The following GBA2 variants were observed in gnomAD, a reference collection of about 807,000 sequenced individuals.
The protein encoded by GBA2 is glucosylceramidase beta 2.
In GBA2, 79 loss-of-function variants were observed where a neutral mutation model predicts 112.9. That is an observed-to-expected ratio of 0.70 (90% confidence interval 0.58 to 0.84). The LOEUF is 0.84. GBA2 is among the 40% of genes least tolerant of loss of function. GBA2 has a pLI of 0.00. For synonymous variants in GBA2, 403 were observed against 434.3 expected, an observed-to-expected ratio of 0.93 and a Z score of 0.90; for missense variants, 1,043 against 1,190.0, an observed-to-expected ratio of 0.88 and a Z score of 1.82.
Position 35,737,803 on chromosome 9 carries a change from G to T in GBA2, c.2450C>A (p.Ser817Tyr), listed in dbSNP as rs1362779042. The change falls in exon 16 of 17, where the codon TCT (serine) becomes TAT (tyrosine). Residue 817 changes from serine to tyrosine, a missense_variant. Physicochemically the swap from Ser to Tyr is moderately radical, Grantham distance 144. Transcript: ENST00000378103. This position sits in a 1 kb window ranked among gnomAD's most constrained non-coding sequence, Gnocchi z 4.1. Reference sequence around the variant, plus strand: ...GACCACACCCACCCAGACTTCATCAGACTGCACACTGGATTTATCAGGGAC... The same window carrying T: ...GACCACACCCACCCAGACTTCATCATACTGCACACTGGATTTATCAGGGAC... ...HGVPDKSSVQ[S>Y]DEVWVGVVYG... is the part of the protein sequence containing the mutation. 1 of 1,614,098 alleles carries T rather than the reference G, an allele frequency of 6.2e-7. No homozygotes were observed. The highest frequency in any genetic ancestry group is 8.5e-7 in the Non-Finnish European group (1 of 1,179,996).
Position 35,741,588 on chromosome 9 carries a change from G to A in GBA2, c.786+84C>T, listed in dbSNP as rs1404004822. 14 of 917,898 alleles carry A rather than the reference G, an allele frequency of 1.5e-5. No individual in the cohort carries two copies. The highest frequency in any genetic ancestry group is 3.4e-5 in the Admixed American group (2 of 58,892). 56.9% of individuals were successfully genotyped at this position (917,898 alleles called of 1,614,324 possible). On this transcript the variant is annotated intron_variant, in intron 4 of 16. Transcript: ENST00000378103. This position sits in a 1 kb window ranked among gnomAD's most constrained non-coding sequence, Gnocchi z 4.6. ...GTTGGGATTACAGGCGTGAGCTACC[G>A]CGCCTCGCAGGCCATGCAGTTTCTA... is the stretch of plus-strand genomic sequence containing the variant.
At position 35,738,583 on chromosome 9, in the gene GBA2, A is replaced by G. The variant is rs1485423623; in HGVS notation, c.1997T>C (p.Ile666Thr). 2 of 1,614,010 alleles carry G rather than the reference A, an allele frequency of 1.2e-6. No individual in the cohort carries two copies. The highest frequency in any genetic ancestry group is 1.7e-5 in the Admixed American group (1 of 60,020). The change falls in exon 13 of 17, where the codon ATT becomes ACT. Residue 666 changes from isoleucine (I) to threonine (T), a missense_variant. By Grantham distance (89) the Ile-to-Thr change is moderately conservative. Transcript: ENST00000378103. ...MKFDKDHDGL[I>T]ENGGYADQTY... ...CTGGTCTGCATAGCCTCCATTTTCA[A>G]TGAGTCCATCATGGTCCTTGTCAAA...
In GBA2 at chr9:35,740,850, G is replaced by A. The variant is rs1423985966; in HGVS notation, c.1001C>T (p.Thr334Met). 1.9e-6 allele frequency: 3 copies of A among 1,614,134 alleles called. No individual in the cohort carries two copies. The highest frequency in any genetic ancestry group is 1.1e-5 in the South Asian group (1 of 91,086). The change falls in exon 5 of 17, where the codon ACG (threonine) becomes ATG (methionine). Residue 334 changes from threonine (T) to methionine (M), a missense_variant. Coordinates refer to ENST00000378103, the MANE Select transcript of GBA2 (RefSeq NM_020944.3). This position sits in a 1 kb window ranked among gnomAD's most constrained non-coding sequence, Gnocchi z 4.7. Reference protein sequence around the residue: ...LHHPTLPNPYTMAVAARVTAA... With the variant: ...LHHPTLPNPYMMAVAARVTAA... ...CGTGACTCGTGCAGCCACAGCCATC[G>A]TGTAGGGGTTTGGAAGGGTTGGATG...
Position 35,741,216 on chromosome 9 carries a change from CA to C in GBA2, c.787-153del. 1.2e-6 allele frequency: 1 copy of C among 808,968 alleles called. No homozygotes were observed. The highest frequency in any genetic ancestry group is 1.9e-6 in the Non-Finnish European group (1 of 520,984). The allele number at this position is 808,968 out of a possible 1,614,324, so 50.1% of individuals were successfully genotyped here. On this transcript the variant is annotated intron_variant, in intron 4 of 16. Transcript: ENST00000378103. The surrounding 1 kb of genome is among the most constrained non-coding windows in gnomAD (Gnocchi z 4.6). ...ACTTGCATCTCCCCATATTCCCAGG[CA>C]AGCTGCCTAGCAGGGAATATAGAAG...
chr9:35,738,031 T>TCTCACCTCAGTGTCTCCTTCTCC lies in GBA2; in HGVS notation c.2296_2313+5dup, dbSNP rs1436646827. ...TTCTCTCTGGCTGCTCCTCCTCCTC[T>TCTCACCTCAGTGTCTCCTTCTCC]CTCACCTCAGTGTCTCCTTCTCCTA... On this transcript the variant is annotated splice_donor_region_variant and intron_variant, in intron 15 of 16. Transcript: ENST00000378103. 5 of 1,601,176 alleles carry TCTCACCTCAGTGTCTCCTTCTCC rather than the reference T, an allele frequency of 3.1e-6. No individual in the cohort carries two copies. The highest frequency in any genetic ancestry group is 4.3e-6 in the Non-Finnish European group (5 of 1,171,442).
Position 35,739,052 on chromosome 9 carries a change from A to T in GBA2, c.1745T>A (p.Met582Lys). The T allele has an allele frequency of 1.2e-6, 2 of 1,613,758 alleles. No individual in the cohort carries two copies. The highest frequency in any genetic ancestry group is 1.1e-5 in the South Asian group (1 of 91,018). ...GACGTTCCTCCTTTTCACAGGTGCC[A>T]TCACCCCACTCATCAGGTACCGTCG... is the stretch of plus-strand genomic sequence containing the variant. ...TRRRYLMSGV[M>K]APVKRRNVIP... The change falls in exon 11 of 17, where the codon ATG (methionine) becomes AAG (lysine). Residue 582 changes from methionine (M) to lysine (K), a missense_variant. By Grantham distance (95) the Met-to-Lys change is moderately conservative. Coordinates refer to ENST00000378103, the MANE Select transcript of GBA2 (RefSeq NM_020944.3).
Position 35,740,984 on chromosome 9 carries a change from G to C in GBA2, c.867C>G (p.Phe289Leu), listed in dbSNP as rs147741018. The C allele has an allele frequency of 3.0e-5, 48 of 1,614,000 alleles. No individual in the cohort carries two copies. In the African/African-American group the frequency reaches 5.5e-4, roughly 18 times the overall value. ...GDEALDVSIM[F>L]SMRNGLGGGD... The stretch of plus-strand genomic sequence containing the variant: ...CACCACCCAGTCCATTCCGCATGGA[G>C]AACATGATGGACACATCTAGAGCTT... Residue 289 changes from phenylalanine to leucine, a missense_variant, in exon 5 of 17, where the codon TTC (phenylalanine) becomes TTG (leucine). Physicochemically the swap from Phe to Leu is conservative, Grantham distance 22 (BLOSUM62 0). Transcript: ENST00000378103. The surrounding 1 kb of genome is among the most constrained non-coding windows in gnomAD (Gnocchi z 4.7).
In GBA2 at chr9:35,738,179, G is replaced by T. The variant is rs374552034; in HGVS notation, c.2198-27C>A. 14 of 1,612,992 alleles carry T rather than the reference G, an allele frequency of 8.7e-6. No individual in the cohort carries two copies. The African/African-American group carries it at 1.7e-4, about 20-fold the overall frequency. ...TGGAGTCGAGGAAGAGAAAAATAAG[G>T]CTCCTGGTGTCCTCTCAGCTGCCTT... is the stretch of plus-strand genomic sequence containing the variant. On this transcript the variant is annotated intron_variant, in intron 14 of 16. Transcript: ENST00000378103.
rs753537861 is a variant in GBA2 at position 35,740,659 on chromosome 9, G to A, written c.1027-31C>T. 6.4e-7 allele frequency: 1 copy of A among 1,561,362 alleles called. No individual in the cohort carries two copies. The highest frequency in any genetic ancestry group is 1.4e-5 in the African/African-American group (1 of 73,810). The stretch of plus-strand genomic sequence containing the variant: ...AAGGGGTCAGGGACTGTGAGGGCAG[G>A]CTCCACGAGTACACTGGGTCCCGGC... On this transcript the variant is annotated intron_variant, in intron 5 of 16. Transcript: ENST00000378103. This position sits in a 1 kb window ranked among gnomAD's most constrained non-coding sequence, Gnocchi z 4.7.
chr9:35,737,408 A>C lies in GBA2; in HGVS notation c.2545T>G (p.Tyr849Asp). 1 of 1,614,144 alleles carries C rather than the reference A, an allele frequency of 6.2e-7. No homozygotes were observed. Residue 849 changes from tyrosine (Y) to aspartate (D), a missense_variant, in exon 17 of 17, where the codon TAC (tyrosine) becomes GAC (aspartate). Tyr to Asp is a radical substitution (Grantham distance 160). Coordinates refer to ENST00000378103, the MANE Select transcript of GBA2 (RefSeq NM_020944.3). This position sits in a 1 kb window ranked among gnomAD's most constrained non-coding sequence, Gnocchi z 4.1. Reference protein sequence around the residue: ...WEGFQTAEGCYRTVWERLGLA... With the variant: ...WEGFQTAEGCDRTVWERLGLA... ...CCCAGGCGCTCCCACACGGTACGGT[A>C]GCAGCCTTCAGCTGTCTGGAAGCCC...
chr9:35,738,268 G>A lies in GBA2; in HGVS notation c.2161C>T (p.Arg721Trp), dbSNP rs750088946. 151 of 1,613,980 alleles carry A rather than the reference G, an allele frequency of 9.4e-5. No individual in the cohort carries two copies. The highest frequency in any genetic ancestry group is 1.2e-4 in the Non-Finnish European group (141 of 1,180,010). ...IQDKFSSILS[R>W]GQEAYERLLW... The stretch of plus-strand genomic sequence containing the variant: ...AGTCTCTCATAGGCTTCTTGGCCCC[G>A]GCTGAGGATAGAAGAAAACTTATCC... Residue 721 changes from arginine (R) to tryptophan (W), a missense_variant, in exon 14 of 17, where the codon CGG becomes TGG. By Grantham distance (101) the Arg-to-Trp change is moderately radical. Transcript: ENST00000378103.
chr9:35,740,864 A>T lies in GBA2; in HGVS notation c.987T>A (p.Leu329=). The T allele has an allele frequency of 3.7e-6, 6 of 1,613,616 alleles. No homozygotes were observed. Among genetic ancestry groups the T allele is most frequent in the Non-Finnish European group, 5.1e-6 (6 of 1,179,866 alleles). Residue 329 remains leucine (L), a synonymous_variant, in exon 5 of 17, where the codon CTT becomes CTA. Coordinates refer to ENST00000378103, the MANE Select transcript of GBA2 (RefSeq NM_020944.3). This position sits in a 1 kb window ranked among gnomAD's most constrained non-coding sequence, Gnocchi z 4.7. The part of the protein sequence containing the change: ...VRGLLLHHPT[L]PNPYTMAVAA... The stretch of plus-strand genomic sequence containing the variant: ...CCACAGCCATCGTGTAGGGGTTTGG[A>T]AGGGTTGGATGATGCAGGAGCAGCC...
chr9:35,741,221 T>C lies in GBA2; in HGVS notation c.787-157A>G, dbSNP rs1826654539. The C allele has an allele frequency of 9.0e-6, 7 of 781,890 alleles. No individual in the cohort carries two copies. Among genetic ancestry groups the C allele is most frequent in the Non-Finnish European group, 1.4e-5 (7 of 498,486 alleles). 48.4% of individuals were successfully genotyped at this position (781,890 alleles called of 1,614,324 possible). A position where few individuals can be genotyped will look rare whatever the true frequency, so the allele number is the denominator to read the frequency against. On this transcript the variant is annotated intron_variant, in intron 4 of 16. Coordinates refer to ENST00000378103, the MANE Select transcript of GBA2 (RefSeq NM_020944.3). The surrounding 1 kb of genome is among the most constrained non-coding windows in gnomAD (Gnocchi z 4.6). ...CATCTCCCCATATTCCCAGGCAAGC[T>C]GCCTAGCAGGGAATATAGAAGACCA... is the stretch of plus-strand genomic sequence containing the variant.
In GBA2 at chr9:35,737,418, A is replaced by G. The variant is rs763873057; in HGVS notation, c.2535T>C (p.Ala845=). The G allele has an allele frequency of 6.2e-7, 1 of 1,614,088 alleles. No individual in the cohort carries two copies. Among genetic ancestry groups the G allele is most frequent in the Non-Finnish European group, 8.5e-7 (1 of 1,179,960 alleles). ...CCCACACGGTACGGTAGCAGCCTTC[A>G]GCTGTCTGGAAGCCCTCCCAAGTCA... The part of the protein sequence containing the change: ...EGLTWEGFQT[A]EGCYRTVWER... Residue 845 remains alanine (A), a synonymous_variant, in exon 17 of 17, where the codon GCT becomes GCC. Transcript: ENST00000378103. The surrounding 1 kb of genome is among the most constrained non-coding windows in gnomAD (Gnocchi z 4.1).
chr9:35,741,939 A>G lies in GBA2; in HGVS notation c.568-49T>C. 7.9e-7 allele frequency: 1 copy of G among 1,263,038 alleles called. No homozygotes were observed. Among genetic ancestry groups the G allele is most frequent in the Non-Finnish European group, 1.2e-6 (1 of 867,504 alleles). 78.2% of individuals were successfully genotyped at this position (1,263,038 alleles called of 1,614,324 possible). On this transcript the variant is annotated intron_variant, in intron 3 of 16. Transcript: ENST00000378103. This position sits in a 1 kb window ranked among gnomAD's most constrained non-coding sequence, Gnocchi z 4.6. ...ACGGGGTAAACCACAGGGACCACAG[A>G]CTAAGTCTTCCCTCTCCTCAAATCA...
Position 35,739,324 on chromosome 9 carries a change from A to C in GBA2, c.1678T>G (p.Tyr560Asp), listed in dbSNP as rs1371556873. Residue 560 changes from tyrosine (Y) to aspartate (D), a missense_variant, in exon 10 of 17, where the codon TAT becomes GAT. Physicochemically the swap from Tyr to Asp is radical, Grantham distance 160. Coordinates refer to ENST00000378103, the MANE Select transcript of GBA2 (RefSeq NM_020944.3). ...LWPKLELSLQYDMALATLRED... is the reference protein window; with the variant it reads ...LWPKLELSLQDDMALATLRED... ...CAAAAGGGATCCTCACCCATGTCAT[A>C]CTGTAGGCTGAGCTCAAGTTTGGGC... The C allele has an allele frequency of 6.2e-7, 1 of 1,604,606 alleles. No homozygotes were observed. The highest frequency in any genetic ancestry group is 1.7e-5 in the Admixed American group (1 of 60,022).
Position 35,741,777 on chromosome 9 carries a change from G to A in GBA2, c.681C>T (p.Phe227=), listed in dbSNP as rs1826702319. 2 of 1,613,930 alleles carry A rather than the reference G, an allele frequency of 1.2e-6. No homozygotes were observed. The highest frequency in any genetic ancestry group is 1.7e-6 in the Non-Finnish European group (2 of 1,179,822). Residue 227 remains phenylalanine (F), a synonymous_variant, in exon 4 of 17, where the codon TTC becomes TTT. Transcript: ENST00000378103. This position sits in a 1 kb window ranked among gnomAD's most constrained non-coding sequence, Gnocchi z 4.6. Reference sequence around the variant, plus strand: ...AGGCTCGGGGATAGAGGGCATGGTAGAAAGCAAAGTACCCACACAGGCCCC... The same window carrying A: ...AGGCTCGGGGATAGAGGGCATGGTAAAAAGCAAAGTACCCACACAGGCCCC... ...WNWGLCGYFA[F]YHALYPRAWT...
At position 35,740,836 on chromosome 9, in the gene GBA2, C is replaced by T. The variant is rs778700584; in HGVS notation, c.1015G>A (p.Ala339Thr). 2 of 1,614,116 alleles carry T rather than the reference C, an allele frequency of 1.2e-6. No individual in the cohort carries two copies. Among genetic ancestry groups the T allele is most frequent in the Non-Finnish European group, 1.7e-6 (2 of 1,179,970 alleles). The change falls in exon 5 of 17, where the codon GCA (alanine) becomes ACA (threonine). Residue 339 changes from alanine to threonine, a missense_variant. Ala to Thr is a moderately conservative substitution (Grantham distance 58). Coordinates refer to ENST00000378103, the MANE Select transcript of GBA2 (RefSeq NM_020944.3). This position sits in a 1 kb window ranked among gnomAD's most constrained non-coding sequence, Gnocchi z 4.7. ...GGCTCTTTCCTTACCGTGACTCGTG[C>T]AGCCACAGCCATCGTGTAGGGGTTT... ...LPNPYTMAVAARVTAATTVTH... is the reference protein window; with the variant it reads ...LPNPYTMAVATRVTAATTVTH...
Position 35,738,024 on chromosome 9 carries a change from C to T in GBA2, c.2313+13G>A, listed in dbSNP as rs570984524. 1.9e-6 allele frequency: 3 copies of T among 1,597,528 alleles called. No homozygotes were observed. The South Asian group carries it at 3.3e-5, about 18-fold the overall frequency. On this transcript the variant is annotated intron_variant, in intron 15 of 16. Transcript: ENST00000378103. ...CCCATTTTTCTCTCTGGCTGCTCCT[C>T]CTCCTCTCTCACCTCAGTGTCTCCT...
Sources: gnomAD v4.1 joint callset for allele counts on GRCh38, gnomAD v4.1.1 for gene constraint, Gnocchi (gnomAD v3.1) non-coding constraint, MANE v1.5 for transcripts, NCBI Gene and HGNC (gene_info 2026-07-23, HGNC 2026-07-21) for gene names.